The following FTO variants were observed in gnomAD, a reference collection of about 807,000 sequenced individuals.
The protein encoded by FTO is alpha-ketoglutarate-dependent dioxygenase FTO.
In FTO, 47 loss-of-function variants were observed where a neutral mutation model predicts 63.9. That is an observed-to-expected ratio of 0.74 (90% CI 0.58 to 0.94). FTO has a LOEUF of 0.94. FTO is among the 40% of genes least tolerant of loss of function. FTO has a pLI of 0.00. For synonymous variants in FTO, 207 were observed against 224.4 expected, an observed-to-expected ratio of 0.92 and a Z score of 0.69; for missense variants, 562 against 618.1, an observed-to-expected ratio of 0.91 and a Z score of 0.96.
At chr16:53,929,094 C>T (rs565656523) in intron 7 of FTO, among the ~76,000 whole-genome samples, 1 of 152,250 alleles carries the variant, frequency 6.6e-6, no homozygotes, top group East Asian at 1.9e-4. Context: ...CTACCTGCCT[C>T]GGCCTCCCAA....
chr16:54,076,943 G>T (rs1421647160), intron 8 of FTO, among the ~76,000 whole-genome samples: 1 of 152,022 alleles, frequency 6.6e-6, no homozygotes, highest in African/African-American at 2.4e-5. Flanking sequence ...TTTATATTAT[G>T]GGTCAAAATT....
chr16:53,753,305 G>T (rs1026767983), intron 1 of FTO, among the ~76,000 whole-genome samples: 1 of 151,056 alleles, frequency 6.6e-6, no homozygotes, highest in Non-Finnish European at 1.5e-5. Context: ...AAAAACCAGG[G>T]ATGGGTTTTC....
At chr16:54,031,504 C>T (rs531548089) in intron 8 of FTO, among the ~76,000 whole-genome samples, 18 of 152,190 alleles carry the variant, frequency 1.2e-4, no homozygotes, top group African/African-American at 3.6e-4. Context: ...TCAAAACTGT[C>T]TTTGTGCCTG....
intron 7 of FTO, among the ~76,000 whole-genome samples, chr16:53,890,594 C>T (rs1398922661): frequency 4.6e-5 from 7 of 152,142 alleles, no homozygotes; most frequent in East Asian, 3.8e-4. Context: ...CATGGATATA[C>T]GTCTGGGGAA....
chr16:53,817,938 A>G lies in FTO; in HGVS notation c.123+7721A>G, dbSNP rs1049806079. On this transcript the variant is annotated intron_variant, in intron 2 of 8. Transcript: ENST00000471389. ...CTCAAGAAATACAGTATGTGACCAGACAACTGCTAATATAAATTTCATGAC... is the reference window on the plus strand; with the variant it reads ...CTCAAGAAATACAGTATGTGACCAGGCAACTGCTAATATAAATTTCATGAC... Among the ~76,000 whole-genome samples the G allele has an allele frequency of 2.6e-5, 4 of 152,196 alleles. No individual in the cohort carries two copies. In the East Asian group the frequency reaches 7.7e-4, roughly 29 times the overall value.
chr16:54,067,756 G>A (rs1343478316), intron 8 of FTO, among the ~76,000 whole-genome samples: 4 of 152,150 alleles, frequency 2.6e-5, no homozygotes, highest in Non-Finnish European at 5.9e-5. Flanking sequence ...GTTCATATAG[G>A]CCTACTTAGC....
At chr16:53,879,030 CATTT>C (rs1448844180) in intron 5 of FTO, among the ~76,000 whole-genome samples, 1 of 152,104 alleles carries the variant, frequency 6.6e-6, no homozygotes, top group Non-Finnish European at 1.5e-5. Context: ...ATTATAGAAC[CATTT>C]ATTGTGCTTT....
At chr16:54,066,772 G>A (rs1299302496) in intron 8 of FTO, among the ~76,000 whole-genome samples, 1 of 152,224 alleles carries the variant, frequency 6.6e-6, no homozygotes, top group African/African-American at 2.4e-5. Context: ...AGTAGGAAAG[G>A]TGTCCCTGCC....
intron 6 of FTO, among the ~76,000 whole-genome samples, chr16:53,880,851 C>T (rs189644632): frequency 3.5e-3 from 529 of 150,422 alleles, no homozygotes; most frequent in Non-Finnish European, 5.0e-3. Flanking sequence ...CGCCTATAAT[C>T]CCAGCACTTT....
At chr16:53,775,967 G>T (rs567223161) in intron 1 of FTO, among the ~76,000 whole-genome samples, 14 of 152,166 alleles carry the variant, frequency 9.2e-5, no homozygotes, top group Middle Eastern at 3.4e-3. Flanking sequence ...ATTTGTTGTG[G>T]ATTGATTTGT....
rs2080088477 is a variant in FTO at position 53,858,901 on chromosome 16, C to T, written c.895+14603C>T. On this transcript the variant is annotated intron_variant, in intron 4 of 8. Coordinates refer to ENST00000471389, the MANE Select transcript of FTO (RefSeq NM_001080432.3). ...GTCTCGATCTCTTGACCTCATGATC[C>T]GCCCACCTCGGCCTCCCAAAGTGCT... Among the ~76,000 whole-genome samples, 5 of 152,176 alleles carry T rather than the reference C, an allele frequency of 3.3e-5. 1 individual carries two copies. The highest frequency in any genetic ancestry group is 2.4e-5 in the African/African-American group (1 of 41,522).
intron 1 of FTO, among the ~76,000 whole-genome samples, chr16:53,765,831 G>A (rs1039839606): frequency 3.3e-5 from 5 of 152,098 alleles, no homozygotes; most frequent in African/African-American, 1.2e-4. Flanking sequence ...AAGGGCAAAG[G>A]AATGAGGCCA....
intron 8 of FTO, among the ~76,000 whole-genome samples, chr16:53,997,272 A>G (rs1362728547): frequency 1.3e-5 from 2 of 152,110 alleles, no homozygotes; most frequent in Non-Finnish European, 2.9e-5. Context: ...TGAGAACTCA[A>G]TCACTATCAG....
At chr16:54,072,021 T>C (rs1462906393) in intron 8 of FTO, 10 of 152,270 alleles carry the variant, frequency 6.6e-5, no homozygotes, top group African/African-American at 2.4e-4. Flanking sequence ...GTAATTAAAA[T>C]TTTTGATCAT....
rs200375081 is a variant in FTO at position 53,846,625 on chromosome 16, A to AC, written c.895+2333dup. ...AGACCAGCCTGGCCAACTTGATGAA[A>AC]CCCCCCGTCTCCACTAAAAATAAAA... On this transcript the variant is annotated intron_variant, in intron 4 of 8. Transcript: ENST00000471389. Among the ~76,000 whole-genome samples, 575 of 151,194 alleles carry AC rather than the reference A, an allele frequency of 3.8e-3. 2 individuals are homozygous for AC. The highest frequency in any genetic ancestry group is 0.013 in the African/African-American group (537 of 41,192).
At chr16:53,808,064 G>GGAGGCCAAGGCGGGCAGATCATTT (rs1007692762) in intron 1 of FTO, among the ~76,000 whole-genome samples, 5 of 152,106 alleles carry the variant, frequency 3.3e-5, no homozygotes, top group South Asian at 2.1e-4. Context: ...CAGCACTTTG[G>GGAGGCCAAGGCGGGCAGATCATTT]GAGGCCAAGG....
At chr16:53,996,018 C>G (rs1348623929) in intron 8 of FTO, among the ~76,000 whole-genome samples, 1 of 152,192 alleles carries the variant, frequency 6.6e-6, no homozygotes, top group African/African-American at 2.4e-5. Context: ...CAGAGGCTTC[C>G]TGCCTTTGCA....
At chr16:53,956,038 G>C (rs1226406612) in intron 8 of FTO, among the ~76,000 whole-genome samples, 1 of 152,130 alleles carries the variant, frequency 6.6e-6, no homozygotes, top group African/African-American at 2.4e-5. Context: ...CCTATGTGTT[G>C]ATGGTTTGTG....
At chr16:53,809,671 A>G (rs1434280572) in intron 1 of FTO, among the ~76,000 whole-genome samples, 1 of 152,156 alleles carries the variant, frequency 6.6e-6, no homozygotes, top group East Asian at 1.9e-4. Context: ...ACTGGGTGCC[A>G]TGACTCATGC....
Sources: gnomAD v4.1 joint callset for allele counts (sites outside exome capture counted in the v4.1 genomes callset) on GRCh38, gnomAD v4.1.1 for gene constraint, MANE v1.5 for transcripts, NCBI Gene and HGNC (gene_info 2026-07-23, HGNC 2026-07-21) for gene names.